GDF5: variants seen among roughly 807,000 people sequenced by gnomAD.
GDF5 encodes growth/differentiation factor 5.
A neutral mutation model predicts 34.6 loss-of-function variants in GDF5; 17 were observed. The ratio of observed to expected loss-of-function variants is 0.49; its 90% CI spans 0.34 to 0.74. GDF5 has a LOEUF of 0.74. GDF5 is among the 30% of genes least tolerant of loss of function. GDF5 has a pLI of 0.01. For missense variants in GDF5, 616 were observed against 661.2 expected, an observed-to-expected ratio of 0.93 and a Z score of 0.75; for synonymous variants, 332 against 290.7, an observed-to-expected ratio of 1.14 and a Z score of -1.44.
At chr20:35,441,932 TG>T (rs1437885277), upstream of GDF5, among the ~76,000 whole-genome samples, 3 of 151,432 alleles carry the variant, frequency 2.0e-5, no homozygotes, top group South Asian at 6.3e-4. Context: ...GGCGTGATCA[TG>T]GGGCTCAGGT....
rs1568738413 is a variant in GDF5 at position 35,451,070 on chromosome 20, T to TAA, written c.-398+3569_-398+3570insTT. On this transcript the variant is annotated intron_variant, in intron 1 of 3. Coordinates refer to the GDF5 transcript ENST00000374372. ...AAAAAAAAAAAAAAAAAAAAATATATATATATATATATATATATATATACA... is the reference window on the plus strand; with the variant it reads ...AAAAAAAAAAAAAAAAAAAAATATATAAATATATATATATATATATATATACA... Among the ~76,000 whole-genome samples, 173 of 34,748 alleles carry TAA rather than the reference T, an allele frequency of 5.0e-3. 11 individuals are homozygous for TAA. The highest frequency in any genetic ancestry group is 0.023 in the East Asian group (43 of 1,864). The allele number at this position is 34,748 out of a possible 152,430, so 22.8% of individuals were successfully genotyped here. A position where few individuals can be genotyped will look rare whatever the true frequency, so the allele number is the denominator to read the frequency against.
intron 1 of GDF5, 125 bp from the exon 2 acceptor site, chr20:35,434,908 C>G: frequency 9.7e-7 from 1 of 1,025,644 alleles, no homozygotes; most frequent in South Asian, 1.3e-5. Context: ...CTGCCCCATT[C>G]TGACAGAAGC....
In GDF5 at chr20:35,453,682, A is replaced by G. The variant is rs147361496; in HGVS notation, c.-398+958T>C. Among the ~76,000 whole-genome samples the G allele has an allele frequency of 3.9e-5, 6 of 152,082 alleles. No homozygotes were observed. In the East Asian group the frequency reaches 7.7e-4, roughly 20 times the overall value. On this transcript the variant is annotated intron_variant, in intron 1 of 3. Coordinates refer to the GDF5 transcript ENST00000374372. ...TCCCCTTTTACTCTCCACTTTCTCT[A>G]TTTCTCAAATTAGCTATTAAGATCT...
At chr20:35,440,011 G>A (rs774122986), upstream of GDF5, among the ~76,000 whole-genome samples, 5 of 143,372 alleles carry the variant, frequency 3.5e-5, 1 homozygote, top group East Asian at 1.0e-3. Context: ...CCACCTCCTG[G>A]GTTCAAACGA....
Position 35,437,987 on chromosome 20 carries a change from T to C in GDF5, c.-59A>G. 1 of 1,602,188 alleles carries C rather than the reference T, an allele frequency of 6.2e-7. No individual in the cohort carries two copies. Among genetic ancestry groups the C allele is most frequent in the South Asian group, 1.1e-5 (1 of 89,532 alleles). ...ACAGCGGCAGCAGCGAAGGTGCCTC[T>C]GGTTTGGCAGGAAAAACCATGAAAG... On this transcript the variant is annotated 5_prime_UTR_variant, in exon 1 of 2. Coordinates refer to ENST00000374369, the MANE Select transcript of GDF5 (RefSeq NM_000557.5).
chr20:35,437,662 G>A lies in GDF5; in HGVS notation c.267C>T (p.Pro89=). Residue 89 remains proline, a synonymous_variant, in exon 1 of 2, where the codon CCC becomes CCT. Transcript: ENST00000374369. ...GCAGCTTTTTGGGTTCATCCTTCTT[G>A]GGCTGTGTCAGGCCTCCTGTCTGCC... ...GTGQTGGLTQ[P]KKDEPKKLPP... The A allele has an allele frequency of 6.2e-7, 1 of 1,614,072 alleles. No individual in the cohort carries two copies. Among genetic ancestry groups the A allele is most frequent in the Non-Finnish European group, 8.5e-7 (1 of 1,179,990 alleles).
intron 1 of GDF5, among the ~76,000 whole-genome samples, chr20:35,447,617 C>A (rs2146590199): frequency 6.6e-6 from 1 of 152,006 alleles, no homozygotes; most frequent in East Asian, 1.9e-4. Flanking sequence ...TAAAATAATT[C>A]TAAAACTTAT....
At chr20:35,440,228 G>C (rs114514903), upstream of GDF5, among the ~76,000 whole-genome samples, 1,549 of 150,792 alleles carry the variant, frequency 0.01, 26 homozygotes, top group African/African-American at 0.035. Flanking sequence ...AATTAGCCGG[G>C]TGTGGAGGCA....
chr20:35,454,001 T>A (rs1601086084), intron 1 of GDF5: 1 of 534,644 alleles, frequency 1.9e-6, no homozygotes, highest in East Asian at 5.4e-5. Flanking sequence ...AAATGCAGAT[T>A]CCTGGACTCC....
chr20:35,447,263 C>T (rs1218486176), intron 1 of GDF5, among the ~76,000 whole-genome samples: 1 of 151,850 alleles, frequency 6.6e-6, no homozygotes, highest in Non-Finnish European at 1.5e-5. Flanking sequence ...TCCAAGTGTT[C>T]TTATTGTTCA....
At chr20:35,441,706 GCCTC>G (rs2062498499), upstream of GDF5, among the ~76,000 whole-genome samples, 1 of 151,778 alleles carries the variant, frequency 6.6e-6, no homozygotes, top group Non-Finnish European at 1.5e-5. Flanking sequence ...GCCTGCCTCG[GCCTC>G]CCAAAGTCCT....
Position 35,437,430 on chromosome 20 carries a change from TG to T in GDF5, c.498del (p.Ile167SerfsTer26), listed in dbSNP as rs1368882599. On this transcript the variant is annotated frameshift_variant, in exon 1 of 2. Transcript: ENST00000374369. LOFTEE classifies it high-confidence loss of function. ...GAGAGCATGTACTCGTGGGGTGTGA[TG>T]GGGGGTGGGCGAAACGGCTCCTTGG... The part of the protein sequence containing the change: ...REPKEPFRPP[P>X]ITPHEYMLSL... 4 of 1,613,408 alleles carry T rather than the reference TG, an allele frequency of 2.5e-6. No homozygotes were observed.
At chr20:35,435,416 C>G in intron 1 of GDF5, 1 of 129,812 alleles carries the variant, frequency 7.7e-6, no homozygotes. Context: ...TTCGCTATTG[C>G]ACTCCGGCCT....
intron 1 of GDF5, among the ~76,000 whole-genome samples, chr20:35,445,771 AC>A (rs1309890349): frequency 6.6e-6 from 1 of 151,920 alleles, no homozygotes; most frequent in African/African-American, 2.4e-5. Context: ...TGAGTTCGAG[AC>A]CAGCCTGACC....
chr20:35,451,092 T>TATATATACAC, intron 1 of GDF5, among the ~76,000 whole-genome samples: 1 of 133,582 alleles, frequency 7.5e-6, no homozygotes, highest in Non-Finnish European at 1.7e-5. Flanking sequence ...TATATATATA[T>TATATATACAC]ACACAAATAT....
upstream of GDF5, among the ~76,000 whole-genome samples, chr20:35,440,231 T>TGGA (rs899022431): frequency 6.7e-6 from 1 of 149,588 alleles, no homozygotes; most frequent in African/African-American, 2.5e-5. Flanking sequence ...TAGCCGGGTG[T>TGGA]GGAGGCAAAG....
chr20:35,452,035 C>T (rs2062535475), intron 1 of GDF5, among the ~76,000 whole-genome samples: 1 of 152,182 alleles, frequency 6.6e-6, no homozygotes, highest in African/African-American at 2.4e-5. Flanking sequence ...GCATTAGATT[C>T]TCATAGGAGG....
chr20:35,434,426 T>A lies in GDF5; in HGVS notation c.989A>T (p.Asp330Val). ...RAVDLRGLGF[D>V]RAARQVHEKA... ...CTCGTGGACCTGCCGGGCGGCGCGG[T>A]CGAAGCCCAGGCCACGGAGGTCCAC... The change falls in exon 2 of 2, where the codon GAC becomes GTC. Residue 330 changes from aspartate to valine, a missense_variant. Transcript: ENST00000374369. 1 of 1,613,418 alleles carries A rather than the reference T, an allele frequency of 6.2e-7. No individual in the cohort carries two copies. The highest frequency in any genetic ancestry group is 8.5e-7 in the Non-Finnish European group (1 of 1,179,840).
chr20:35,437,287 C>G lies in GDF5; in HGVS notation c.631+11G>C, dbSNP rs780226988. 1 of 1,595,552 alleles carries G rather than the reference C, an allele frequency of 6.3e-7. No homozygotes were observed. Among genetic ancestry groups the G allele is most frequent in the Non-Finnish European group, 8.6e-7 (1 of 1,165,864 alleles). ...CCTCTGAGCCGTGCCCCTGCCACCC[C>G]GCCCCCTCACCTTGCCCTTTGTCAA... On this transcript the variant is annotated intron_variant, in intron 1 of 1. Coordinates refer to ENST00000374369, the MANE Select transcript of GDF5 (RefSeq NM_000557.5).
Sources: allele counts gnomAD v4.1 joint callset (sites outside exome capture counted in the v4.1 genomes callset), GRCh38; gene constraint gnomAD v4.1.1; transcripts MANE v1.5; gene names NCBI Gene and HGNC (gene_info 2026-07-23, HGNC 2026-07-21).